MMP8: variants seen among roughly 807,000 people sequenced by gnomAD.
MMP8 encodes the protein matrix metallopeptidase 8.
MMP8 carries 67 observed loss-of-function variants against 51.2 expected under a neutral mutation model. The observed-to-expected ratio is 1.31, with a 90% CI of 1.08 to 1.60. The LOEUF (loss-of-function observed/expected upper bound fraction) is 1.60. Ranked by LOEUF, MMP8 falls within the 40% of genes most tolerant of loss-of-function variation. The pLI is 0.00. For missense variants in MMP8, 654 were observed against 558.1 expected, an observed-to-expected ratio of 1.17 and a Z score of -1.73; for synonymous variants, 225 against 191.0, an observed-to-expected ratio of 1.18 and a Z score of -1.47.
intron 1 of MMP8, among the ~76,000 whole-genome samples, chr11:102,724,331 C>G (rs1411064505): frequency 2.0e-5 from 3 of 152,144 alleles, no homozygotes; most frequent in Admixed American, 6.5e-5. Context: ...AATCTACCAT[C>G]CTCACATTAT....
intron 5 of MMP8, among the ~76,000 whole-genome samples, chr11:102,717,395 C>T (rs1417685258): frequency 6.6e-6 from 1 of 152,112 alleles, no homozygotes; most frequent in Non-Finnish European, 1.5e-5. Context: ...ACTACCATTC[C>T]CTTTCTTCTT....
At chr11:102,715,543 G>C in intron 6 of MMP8, 106 bp from the exon 7 acceptor site, 1 of 1,413,822 alleles carries the variant, frequency 7.1e-7, no homozygotes, top group Non-Finnish European at 9.5e-7. Flanking sequence ...ATTGCTGGGA[G>C]AATATAACAA....
intron 7 of MMP8, 122 bp downstream of exon 7, chr11:102,715,182 G>A (rs1357545586): frequency 4.0e-6 from 5 of 1,246,124 alleles, no homozygotes; most frequent in Non-Finnish European, 5.5e-6. Context: ...TAGTCTTCTG[G>A]CAAAAGCCTG....
At chr11:102,723,153 C>T (rs1168635359) in intron 1 of MMP8, 3 of 739,946 alleles carry the variant, frequency 4.1e-6, no homozygotes, top group Non-Finnish European at 6.1e-6. Context: ...CACCATGTTG[C>T]CTCTCAAATG....
At position 102,714,572 on chromosome 11, in the gene MMP8, T is replaced by C. The variant is rs775083419; in HGVS notation, c.1174A>G (p.Asn392Asp). 10 of 1,475,476 alleles carry C rather than the reference T, an allele frequency of 6.8e-6. No homozygotes were observed. The highest frequency in any genetic ancestry group is 7.2e-6 in the Non-Finnish European group (8 of 1,111,360). The allele number at this position is 1,475,476 out of a possible 1,614,324, so 91.4% of individuals were successfully genotyped here. ...TTACGTTACCTCCAGAATTGGTCAT[T>C]TACAAAGAAGTATGTTTTACTTCTG... ...FYRSKTYFFVNDQFWRYDNQR... is the reference protein window; with the variant it reads ...FYRSKTYFFVDDQFWRYDNQR... The change falls in exon 8 of 10, where the codon AAT becomes GAT. Residue 392 changes from asparagine to aspartate, a missense_variant. By Grantham distance (23) the Asn-to-Asp change is conservative. Transcript: ENST00000236826.
chr11:102,717,460 T>C lies in MMP8; in HGVS notation c.784+954A>G, dbSNP rs552573029. On this transcript the variant is annotated intron_variant, in intron 5 of 9. Coordinates refer to ENST00000236826, the MANE Select transcript of MMP8 (RefSeq NM_002424.3). The stretch of plus-strand genomic sequence containing the variant: ...CATTTTAAATTTACATAGACTTATA[T>C]ATTGTGTAATTTAATTAATACATTG... Among the ~76,000 whole-genome samples the C allele has an allele frequency of 2.6e-5, 4 of 152,346 alleles. No individual in the cohort carries two copies. In the South Asian group the frequency reaches 8.3e-4, roughly 32 times the overall value.
At position 102,721,594 on chromosome 11, in the gene MMP8, C is replaced by T. The variant is rs1026131258; in HGVS notation, c.496+20G>A. Reference sequence around the variant, plus strand: ...GTTAGCCAAAGAAAGCAAAACTGAGCATGACTGCTTTGTACCTACCTCTTT... The same window carrying T: ...GTTAGCCAAAGAAAGCAAAACTGAGTATGACTGCTTTGTACCTACCTCTTT... On this transcript the variant is annotated intron_variant, in intron 3 of 9. Coordinates refer to ENST00000236826, the MANE Select transcript of MMP8 (RefSeq NM_002424.3). The T allele has an allele frequency of 4.3e-6, 7 of 1,613,500 alleles. No individual in the cohort carries two copies. The highest frequency in any genetic ancestry group is 3.3e-5 in the South Asian group (3 of 91,054).
rs767574063 is a variant in MMP8 at position 102,714,616 on chromosome 11, A to G, written c.1130T>C (p.Ile377Thr). 6.5e-7 allele frequency: 1 copy of G among 1,526,976 alleles called. No individual in the cohort carries two copies. Among genetic ancestry groups the G allele is most frequent in the Non-Finnish European group, 8.8e-7 (1 of 1,138,622 alleles). 94.6% of individuals were successfully genotyped at this position (1,526,976 alleles called of 1,614,324 possible). A position where few individuals can be genotyped will look rare whatever the true frequency, so the allele number is the denominator to read the frequency against. Residue 377 changes from isoleucine to threonine, a missense_variant, in exon 8 of 10, where the codon ATT (isoleucine) becomes ACT (threonine). Transcript: ENST00000236826. ...ACTTCTGTAGAAAACAGCTGCGTCA[A>G]TTGCTTGGACGCTGCTGGGGAAGCC... ...NYGFPSSVQA[I>T]DAAVFYRSKT...
Position 102,722,481 on chromosome 11 carries a change from A to T in MMP8, c.295T>A (p.Phe99Ile). ...PRCGVPDSGG[F>I]MLTPGNPKWE... ...TTGGGGTTTCCTGGGGTTAACATAA[A>T]ACCACCACTGTCAGGCACTCCACAG... The change falls in exon 2 of 10, where the codon TTT (phenylalanine) becomes ATT (isoleucine). Residue 99 changes from phenylalanine to isoleucine, a missense_variant. Coordinates refer to ENST00000236826, the MANE Select transcript of MMP8 (RefSeq NM_002424.3). 1 of 1,613,818 alleles carries T rather than the reference A, an allele frequency of 6.2e-7. No homozygotes were observed. The highest frequency in any genetic ancestry group is 8.5e-7 in the Non-Finnish European group (1 of 1,179,816).
chr11:102,720,116 C>T (rs1306101636), intron 4 of MMP8, among the ~76,000 whole-genome samples: 2 of 152,078 alleles, frequency 1.3e-5, no homozygotes, highest in African/African-American at 4.8e-5. Flanking sequence ...GAATGGAATA[C>T]GTGAAATAAG....
chr11:102,722,566 A>C lies in MMP8; in HGVS notation c.210T>G (p.Phe70Leu), dbSNP rs1861506483. 2 of 1,613,728 alleles carry C rather than the reference A, an allele frequency of 1.2e-6. No homozygotes were observed. Among genetic ancestry groups the C allele is most frequent in the African/African-American group, 1.3e-5 (1 of 74,894 alleles). ...VEKLKEMQRF[F>L]GLNVTGKPNE... ...TTGGCTTCCCCGTCACATTCAACCCAAAAAATCGCTGCATTTCTTTAAGCT... is the reference window on the plus strand; with the variant it reads ...TTGGCTTCCCCGTCACATTCAACCCCAAAAATCGCTGCATTTCTTTAAGCT... Residue 70 changes from phenylalanine (F) to leucine (L), a missense_variant, in exon 2 of 10, where the codon TTT becomes TTG. Physicochemically the swap from Phe to Leu is conservative, Grantham distance 22 (BLOSUM62 0). Coordinates refer to ENST00000236826, the MANE Select transcript of MMP8 (RefSeq NM_002424.3).
In MMP8 at chr11:102,721,429, G is replaced by C. The variant is rs11602288; in HGVS notation, c.594C>G (p.Ala198=). 6.2e-7 allele frequency: 1 copy of C among 1,613,324 alleles called. No homozygotes were observed. The highest frequency in any genetic ancestry group is 8.5e-7 in the Non-Finnish European group (1 of 1,179,722). The change falls in exon 4 of 10, where the codon GCC becomes GCG. Residue 198 remains alanine, a synonymous_variant. Transcript: ENST00000236826. ...CGGAGGTGTTGGTCCATGTTTCTTC[G>C]GCATCAAAATGAGCATCTCCTCCAA... ...QGIGGDAHFD[A]EETWTNTSAN...
At chr11:102,713,505 C>T in intron 9 of MMP8, 48 bp from the exon 10 acceptor site, 1 of 1,429,842 alleles carries the variant, frequency 7.0e-7, no homozygotes, top group Middle Eastern at 1.8e-4. Flanking sequence ...TAGAATATCT[C>T]AGATGTCTTC....
chr11:102,721,972 A>T (rs35931741), intron 2 of MMP8, among the ~76,000 whole-genome samples: 1,958 of 152,302 alleles, frequency 0.013, 32 homozygotes, highest in African/African-American at 0.044. Context: ...TATTCATAAA[A>T]TGAGGATACT....
Position 102,721,908 on chromosome 11 carries a change from A to G in MMP8, c.348-146T>C, listed in dbSNP as rs924649551. The G allele has an allele frequency of 1.0e-4, 91 of 886,234 alleles. No individual in the cohort carries two copies. The Middle Eastern group carries it at 1.8e-3, about 17-fold the overall frequency. The allele number at this position is 886,234 out of a possible 1,614,324, so 54.9% of individuals were successfully genotyped here. A position where few individuals can be genotyped will look rare whatever the true frequency, so the allele number is the denominator to read the frequency against. On this transcript the variant is annotated intron_variant, in intron 2 of 9. Coordinates refer to ENST00000236826, the MANE Select transcript of MMP8 (RefSeq NM_002424.3). ...GGAGGGAGTGCAGGTCTCAGGGTGGAGGACAGATGTGGGTTCTGAACAAGT... is the reference window on the plus strand; with the variant it reads ...GGAGGGAGTGCAGGTCTCAGGGTGGGGGACAGATGTGGGTTCTGAACAAGT...
chr11:102,718,618 C>T, intron 4 of MMP8, 43 bp from the exon 5 acceptor site: 2 of 1,609,628 alleles, frequency 1.2e-6, no homozygotes, highest in African/African-American at 1.3e-5. Flanking sequence ...GTGTGGATCC[C>T]AGGGTGGCAG....
Position 102,714,699 on chromosome 11 carries a change from G to C in MMP8, c.1047C>G (p.Tyr349Ter), listed in dbSNP as rs1169141601. ...GAATATCATAGCCACTCAGAGCCCA[G>C]TATTGGTTGCCTGTCAATGATTCAG... ...DLIFLFKGNQ[Y>*]WALSGYDILQ... is the part of the protein sequence containing the mutation. The change falls in exon 8 of 10, where the codon TAC becomes TAG. Residue 349 changes from tyrosine to a stop codon, truncating the protein, a stop_gained. Coordinates refer to ENST00000236826, the MANE Select transcript of MMP8 (RefSeq NM_002424.3). LOFTEE classifies it high-confidence loss of function. 6.7e-7 allele frequency: 1 copy of C among 1,496,648 alleles called. No homozygotes were observed. The highest frequency in any genetic ancestry group is 1.5e-5 in the African/African-American group (1 of 68,410). The allele number at this position is 1,496,648 out of a possible 1,614,324, so 92.7% of individuals were successfully genotyped here. A position where few individuals can be genotyped will look rare whatever the true frequency, so the allele number is the denominator to read the frequency against.
At chr11:102,718,608 G>A (rs1375724675) in intron 4 of MMP8, 33 bp from the exon 5 acceptor site, 2 of 1,612,748 alleles carry the variant, frequency 1.2e-6, no homozygotes, top group Admixed American at 3.3e-5. Context: ...AAACAGCTCA[G>A]TGTGGATCCC....
At position 102,713,858 on chromosome 11, in the gene MMP8, C is replaced by G. The variant is rs758568937; in HGVS notation, c.1191-1G>C. On this transcript the variant is annotated splice_acceptor_variant, in intron 8 of 9. Coordinates refer to ENST00000236826, the MANE Select transcript of MMP8 (RefSeq NM_002424.3). LOFTEE classifies it high-confidence loss of function. ...CATGAATTGTCTTTGGTTATCATATCTGGTAAAAACAAAATGTTATCCGAT... is the reference window on the plus strand; with the variant it reads ...CATGAATTGTCTTTGGTTATCATATGTGGTAAAAACAAAATGTTATCCGAT... 1 of 1,599,194 alleles carries G rather than the reference C, an allele frequency of 6.3e-7. No individual in the cohort carries two copies. Among genetic ancestry groups the G allele is most frequent in the African/African-American group, 1.4e-5 (1 of 73,986 alleles).
Sources: gnomAD v4.1 joint callset for allele counts (sites outside exome capture counted in the v4.1 genomes callset) on GRCh38, gnomAD v4.1.1 for gene constraint, MANE v1.5 for transcripts, NCBI Gene and HGNC (gene_info 2026-07-23, HGNC 2026-07-21) for gene names.